Variants in GORASP2 observed in about 807,000 individuals in gnomAD.
The protein encoded by GORASP2 is golgi reassembly stacking protein 2, also known as Golgi reassembly-stacking protein 2.
GORASP2 carries 22 observed loss-of-function variants against 45.7 expected under a neutral mutation model. That is an observed-to-expected ratio of 0.48 (90% CI 0.34 to 0.69). GORASP2 has a LOEUF of 0.69. GORASP2 is among the 30% of genes least tolerant of loss of function. GORASP2 has a pLI of 0.01. For synonymous variants in GORASP2, 221 were observed against 215.6 expected, an observed-to-expected ratio of 1.02 and a Z score of -0.22; for missense variants, 491 against 562.7, an observed-to-expected ratio of 0.87 and a Z score of 1.29.
intron 1 of GORASP2, among the ~76,000 whole-genome samples, chr2:170,939,776 C>T (rs1435250443): frequency 6.6e-6 from 1 of 152,152 alleles, no homozygotes; most frequent in African/African-American, 2.4e-5. Context: ...ACCCTCCTCA[C>T]TAAAAAAAAT....
intron 6 of GORASP2, among the ~76,000 whole-genome samples, chr2:170,956,045 C>G (rs191977457): frequency 6.6e-6 from 1 of 152,130 alleles, no homozygotes; most frequent in Non-Finnish European, 1.5e-5. Flanking sequence ...CTTTCCTGAG[C>G]AATGAAAGTT....
intron 9 of GORASP2, among the ~76,000 whole-genome samples, chr2:170,965,423 T>G (rs1704661208): frequency 6.6e-6 from 1 of 151,016 alleles, no homozygotes; most frequent in Admixed American, 6.6e-5. Flanking sequence ...AGCTTGCAGC[T>G]GGCATGGGTG....
At chr2:170,944,378 T>A (rs924418984) in intron 1 of GORASP2, among the ~76,000 whole-genome samples, 2 of 152,184 alleles carry the variant, frequency 1.3e-5, no homozygotes, top group African/African-American at 4.8e-5. Flanking sequence ...GATACCTACC[T>A]ATGTAATTGT....
In GORASP2 at chr2:170,956,488, G is replaced by A. The variant is rs1444152035; in HGVS notation, c.752G>A (p.Gly251Glu). 2.5e-6 allele frequency: 4 copies of A among 1,613,142 alleles called. No homozygotes were observed. The highest frequency in any genetic ancestry group is 2.7e-5 in the African/African-American group (2 of 74,846). ...PPSLSPPGTTGIEQSLTGLSI... is the reference protein window; with the variant it reads ...PPSLSPPGTTEIEQSLTGLSI... ...TCTTTGTCACCACCAGGAACTACAG[G>A]AATTGAACAGAGTCTGACTGGACTT... Residue 251 changes from glycine to glutamate, a missense_variant, in exon 7 of 10, where the codon GGA becomes GAA. Coordinates refer to ENST00000234160, the MANE Select transcript of GORASP2 (RefSeq NM_015530.5).
chr2:170,941,608 A>G (rs960254143), intron 1 of GORASP2, among the ~76,000 whole-genome samples: 3 of 152,156 alleles, frequency 2.0e-5, no homozygotes, highest in Non-Finnish European at 2.9e-5. Flanking sequence ...TACTTTGTAT[A>G]AGGGGAACCA....
intron 3 of GORASP2, 43 bp downstream of exon 3, chr2:170,949,785 G>T (rs749272143): frequency 4.3e-6 from 6 of 1,397,958 alleles, no homozygotes; most frequent in Middle Eastern, 1.8e-4. Flanking sequence ...TCATGAAGCA[G>T]TGTGGAAAGA....
chr2:170,933,577 G>A (rs1703876787), intron 1 of GORASP2, among the ~76,000 whole-genome samples: 3 of 152,166 alleles, frequency 2.0e-5, no homozygotes, highest in African/African-American at 4.8e-5. Flanking sequence ...AAAGCTGAAA[G>A]GTAATAAACA....
At position 170,950,297 on chromosome 2, in the gene GORASP2, C is replaced by G; in HGVS notation, c.435+7C>G. ...AGATACAGTCATGAATGAGGTAATT[C>G]GTGTGTTTATTCATAGTGAGAACTA... is the stretch of plus-strand genomic sequence containing the variant. On this transcript the variant is annotated splice_region_variant and intron_variant, in intron 4 of 9. Coordinates refer to ENST00000234160, the MANE Select transcript of GORASP2 (RefSeq NM_015530.5). 7.1e-7 allele frequency: 1 copy of G among 1,402,828 alleles called. No individual in the cohort carries two copies. The highest frequency in any genetic ancestry group is 9.9e-7 in the Non-Finnish European group (1 of 1,011,548). The allele number at this position is 1,402,828 out of a possible 1,614,324, so 86.9% of individuals were successfully genotyped here.
chr2:170,956,845 T>C (rs893313378), intron 7 of GORASP2, among the ~76,000 whole-genome samples: 1 of 152,032 alleles, frequency 6.6e-6, no homozygotes, highest in Non-Finnish European at 1.5e-5. Flanking sequence ...GCCTTGGAGG[T>C]TGTGGCAGCA....
intron 5 of GORASP2, among the ~76,000 whole-genome samples, chr2:170,952,966 A>C (rs1346389679): frequency 1.3e-5 from 2 of 152,224 alleles, no homozygotes; most frequent in African/African-American, 4.8e-5. Flanking sequence ...GTGATCTTCC[A>C]TGCCTGGCCG....
At chr2:170,943,900 T>C (rs937160526) in intron 1 of GORASP2, among the ~76,000 whole-genome samples, 2 of 152,154 alleles carry the variant, frequency 1.3e-5, no homozygotes, top group African/African-American at 4.8e-5. Flanking sequence ...GGTCTTGAAC[T>C]CCTAGCCTCA....
Position 170,950,285 on chromosome 2 carries a change from A to G in GORASP2, c.430A>G (p.Asn144Asp). 2 of 1,491,778 alleles carry G rather than the reference A, an allele frequency of 1.3e-6. No individual in the cohort carries two copies. The highest frequency in any genetic ancestry group is 1.8e-6 in the Non-Finnish European group (2 of 1,086,826). 92.4% of individuals were successfully genotyped at this position (1,491,778 alleles called of 1,614,324 possible). ...TATAATTGGAGCAGATACAGTCATG[A>G]ATGAGGTAATTCGTGTGTTTATTCA... ...DYIIGADTVM[N>D]ESEDLFSLIE... Residue 144 changes from asparagine (N) to aspartate (D), a missense_variant, in exon 4 of 10, where the codon AAT becomes GAT. Asn to Asp is a conservative substitution (Grantham distance 23). Transcript: ENST00000234160.
chr2:170,936,193 T>C (rs1334141592), intron 1 of GORASP2, among the ~76,000 whole-genome samples: 1 of 150,976 alleles, frequency 6.6e-6, no homozygotes, highest in African/African-American at 2.4e-5. Flanking sequence ...AACTAGGAAA[T>C]AGAAAGTTTG....
chr2:170,947,181 A>G (rs2105319538), intron 1 of GORASP2, among the ~76,000 whole-genome samples: 1 of 152,292 alleles, frequency 6.6e-6, no homozygotes, highest in South Asian at 2.1e-4. Flanking sequence ...TAATTTCAGG[A>G]GCTGTAGTAT....
At chr2:170,950,924 G>T (rs1009548236) in intron 4 of GORASP2, among the ~76,000 whole-genome samples, 1 of 152,132 alleles carries the variant, frequency 6.6e-6, no homozygotes, top group African/African-American at 2.4e-5. Flanking sequence ...TGAGGCTGCA[G>T]TGAGGCAAAA....
rs766896326 is a variant in GORASP2, at chr2:170,949,747, G to A, written c.348+5G>A. 1.9e-6 allele frequency: 3 copies of A among 1,590,704 alleles called. No individual in the cohort carries two copies. Among genetic ancestry groups the A allele is most frequent in the Admixed American group, 1.7e-5 (1 of 59,980 alleles). On this transcript the variant is annotated splice_donor_5th_base_variant and intron_variant, in intron 3 of 9. Coordinates refer to ENST00000234160, the MANE Select transcript of GORASP2 (RefSeq NM_015530.5). ...GAAAATGTTTGGCATGTGCTGGTAC[G>A]TATCAACTGTGAACTGTTACTGGAG...
At position 170,966,411 on chromosome 2, in the gene GORASP2, T is replaced by A; in HGVS notation, c.*281T>A. 1 of 483,968 alleles carries A rather than the reference T, an allele frequency of 2.1e-6. No homozygotes were observed. Among genetic ancestry groups the A allele is most frequent in the Non-Finnish European group, 3.7e-6 (1 of 268,906 alleles). 30.0% of individuals were successfully genotyped at this position (483,968 alleles called of 1,614,324 possible). ...GCTTGCACTGCCGTTCCTGGGGGTG[T>A]GCATCTTCGGGAAAGGTGGTGGCGG... On this transcript the variant is annotated 3_prime_UTR_variant, in exon 10 of 10. Transcript: ENST00000234160.
chr2:170,955,019 G>A (rs1389535157), intron 6 of GORASP2, among the ~76,000 whole-genome samples: 1 of 152,148 alleles, frequency 6.6e-6, no homozygotes, highest in Non-Finnish European at 1.5e-5. Context: ...TCAGCAAAGA[G>A]AGGGTAATGT....
At chr2:170,961,474 T>C (rs551086326) in intron 7 of GORASP2, among the ~76,000 whole-genome samples, 189 bp from the exon 8 acceptor site, 89 of 152,260 alleles carry the variant, frequency 5.8e-4, no homozygotes, top group African/African-American at 2.0e-3. Context: ...ACAGCCTTTG[T>C]TGAGAGCTGT....
Sources: gnomAD v4.1 joint callset for allele counts (sites outside exome capture counted in the v4.1 genomes callset) on GRCh38, gnomAD v4.1.1 for gene constraint, MANE v1.5 for transcripts, NCBI Gene and HGNC (gene_info 2026-07-23, HGNC 2026-07-21) for gene names.